Variants in FER1L6 observed in about 807,000 individuals in gnomAD.
The protein encoded by FER1L6 is fer-1 like family member 6.
A neutral mutation model predicts 219.2 loss-of-function variants in FER1L6; 177 were observed. The observed-to-expected ratio is 0.81, with a 90% confidence interval of 0.71 to 0.91. The LOEUF (loss-of-function observed/expected upper bound fraction) is 0.91, where lower values mean the gene tolerates loss of function less well. FER1L6 is among the 40% of genes least tolerant of loss of function. The probability of loss-of-function intolerance (pLI) is 0.00; values close to 1 mark genes in which losing one functional copy is unlikely to be tolerated. For missense variants in FER1L6, 2,153 were observed against 2,259.9 expected (o/e 0.95, Z 0.96); for synonymous variants, 768 against 824.3 (o/e 0.93, Z 1.17).
chr8:123,991,731 G>A (rs751641524), intron 12 of FER1L6, among the ~76,000 whole-genome samples: 2 of 152,038 alleles, frequency 1.3e-5, no homozygotes, highest in Non-Finnish European at 2.9e-5. Flanking sequence ...GTATTAAGTT[G>A]CATAGAAGTG....
intron 1 of FER1L6, among the ~76,000 whole-genome samples, chr8:123,948,056 A>G (rs1814582830): frequency 6.6e-6 from 1 of 152,208 alleles, no homozygotes; most frequent in South Asian, 2.1e-4. Flanking sequence ...GAACCCTAAG[A>G]GACATTCATA....
chr8:123,939,785 C>T (rs1354324244), intron 1 of FER1L6, among the ~76,000 whole-genome samples: 3 of 152,152 alleles, frequency 2.0e-5, no homozygotes, highest in Admixed American at 1.3e-4. Context: ...GGAGATTGAG[C>T]GGCATACTTT....
At chr8:124,101,064 T>A (rs768582735) in intron 37 of FER1L6, 33 bp from the exon 38 acceptor site, 2 of 1,605,016 alleles carry the variant, frequency 1.2e-6, no homozygotes, top group Non-Finnish European at 1.7e-6. Context: ...GAATGTACTC[T>A]GAGTGTTTAA....
chr8:123,906,753 T>A (rs1215178515), intron 1 of FER1L6, among the ~76,000 whole-genome samples: 5 of 148,426 alleles, frequency 3.4e-5, no homozygotes, highest in Non-Finnish European at 1.5e-5. Context: ...TGAACCAAGA[T>A]CACGCCACTG....
intron 15 of FER1L6, chr8:124,014,537 T>C (rs1400513429): frequency 6.6e-6 from 1 of 152,618 alleles, no homozygotes; most frequent in Non-Finnish European, 1.5e-5. Context: ...TCTCTCTTGG[T>C]GCTTTGGAAA....
In FER1L6 at chr8:123,852,120, T is replaced by C. The variant is rs1816519266; in HGVS notation, c.-73T>C. 1 of 152,222 alleles carries C rather than the reference T, an allele frequency of 6.6e-6. No homozygotes were observed. The highest frequency in any genetic ancestry group is 2.1e-4 in the South Asian group (1 of 4,830). 9.4% of individuals were successfully genotyped at this position (152,222 alleles called of 1,614,324 possible). A position where few individuals can be genotyped will look rare whatever the true frequency, so the allele number is the denominator to read the frequency against. On this transcript the variant is annotated 5_prime_UTR_variant, in exon 1 of 41. Transcript: ENST00000522917. The surrounding 1 kb of genome is among the most constrained non-coding windows in gnomAD (Gnocchi z 4.9). The stretch of plus-strand genomic sequence containing the variant: ...GAACCCACTGCTGCGCTTCATTTGC[T>C]GTGAAGTGAGTCCCTTGATCAGAGC...
Position 124,119,639 on chromosome 8 carries a change from GCC to G in FER1L6, c.5426_5427del (p.Pro1809LeufsTer2). The G allele has an allele frequency of 6.2e-7, 1 of 1,613,432 alleles. No individual in the cohort carries two copies. On this transcript the variant is annotated frameshift_variant, in exon 41 of 41. Transcript: ENST00000522917. LOFTEE classifies it high-confidence loss of function. ...GACACCTCCTTTTCGTGGTTCATGA[GCC>G]CCTTTAAGTGCCTGTACTACCTCAT...
At chr8:124,096,162 T>G (rs188837435) in intron 35 of FER1L6, among the ~76,000 whole-genome samples, 2 of 152,348 alleles carry the variant, frequency 1.3e-5, no homozygotes, top group Admixed American at 6.5e-5. Context: ...CTTATGATTG[T>G]TTCCTGAAAT....
chr8:123,908,517 T>G (rs1463512182), intron 1 of FER1L6, among the ~76,000 whole-genome samples: 1 of 152,260 alleles, frequency 6.6e-6, no homozygotes, highest in Non-Finnish European at 1.5e-5. Flanking sequence ...CAAGTCTAGA[T>G]GTGAAATGGG....
chr8:123,968,539 A>C (rs1268653002), intron 5 of FER1L6, among the ~76,000 whole-genome samples: 1 of 152,230 alleles, frequency 6.6e-6, no homozygotes, highest in Non-Finnish European at 1.5e-5. Context: ...ATTGCAACTC[A>C]TTTGTCCATC....
At chr8:124,048,678 G>C (rs1267017515) in intron 21 of FER1L6, among the ~76,000 whole-genome samples, 2 of 152,198 alleles carry the variant, frequency 1.3e-5, no homozygotes, top group African/African-American at 4.8e-5. Context: ...CAGTCCCTAT[G>C]CAAAGCCTAT....
At chr8:124,113,837 T>A (rs923503878) in intron 39 of FER1L6, among the ~76,000 whole-genome samples, 1 of 152,230 alleles carries the variant, frequency 6.6e-6, no homozygotes, top group Admixed American at 6.5e-5. Context: ...TACTGTTTAC[T>A]CCATAGCGGA....
At position 124,097,883 on chromosome 8, in the gene FER1L6, G is replaced by T. The variant is rs201085370; in HGVS notation, c.4883G>T (p.Gly1628Val). ...AAATCAAGTGATATTTATGTGAAAG[G>T]GTAAGGTTATCAACAAACTCCAACC... ...GQKSSDIYVK[G>V]WLKGLEDDKQ... is the part of the protein sequence containing the mutation. The change falls in exon 37 of 41, where the codon GGG becomes GTG. Residue 1628 changes from glycine (G) to valine (V), a missense_variant and splice_region_variant. Gly to Val is a moderately radical substitution (Grantham distance 109, BLOSUM62 -3). Coordinates refer to ENST00000522917, the MANE Select transcript of FER1L6 (RefSeq NM_001039112.2). The T allele has an allele frequency of 1.1e-4, 163 of 1,521,642 alleles. No homozygotes were observed. The highest frequency in any genetic ancestry group is 1.4e-4 in the Non-Finnish European group (148 of 1,096,062). 94.3% of individuals were successfully genotyped at this position (1,521,642 alleles called of 1,614,324 possible).
At chr8:124,018,176 C>G (rs1355609243) in intron 16 of FER1L6, among the ~76,000 whole-genome samples, 2 of 152,194 alleles carry the variant, frequency 1.3e-5, no homozygotes, top group African/African-American at 2.4e-5. Context: ...AGGTGCCTAA[C>G]AGTTGCTCAG....
chr8:124,109,441 C>T (rs758555086), intron 39 of FER1L6, among the ~76,000 whole-genome samples: 8 of 152,170 alleles, frequency 5.3e-5, no homozygotes, highest in Non-Finnish European at 8.8e-5. Context: ...AGCATTCACC[C>T]GTGCAAACTC....
At chr8:124,076,084 A>C in intron 31 of FER1L6, 114 bp from the exon 32 acceptor site, 1 of 1,342,274 alleles carries the variant, frequency 7.5e-7, no homozygotes, top group Non-Finnish European at 1.0e-6. Context: ...GTTAAATCAG[A>C]CTATCTAGAG....
intron 1 of FER1L6, among the ~76,000 whole-genome samples, chr8:123,897,453 G>A (rs1812766326): frequency 6.6e-6 from 1 of 152,162 alleles, no homozygotes; most frequent in South Asian, 2.1e-4. Flanking sequence ...GTTGACAAAT[G>A]GAGACCTGAA....
intron 1 of FER1L6, among the ~76,000 whole-genome samples, chr8:123,903,656 C>A (rs187668782): frequency 1.8e-3 from 267 of 151,982 alleles, no homozygotes; most frequent in African/African-American, 6.2e-3. Context: ...CATCTAATTG[C>A]CAGTGTAAAG....
At chr8:123,973,413 C>A in intron 6 of FER1L6, 21 bp from the exon 7 acceptor site, 1 of 1,597,192 alleles carries the variant, frequency 6.3e-7, no homozygotes, top group South Asian at 1.1e-5. Flanking sequence ...CTGCCATACT[C>A]CCTGCTCTCT....
Sources: gnomAD v4.1 joint callset for allele counts (sites outside exome capture counted in the v4.1 genomes callset) on GRCh38, gnomAD v4.1.1 for gene constraint, Gnocchi (gnomAD v3.1) non-coding constraint, MANE v1.5 for transcripts, NCBI Gene and HGNC (gene_info 2026-07-23, HGNC 2026-07-21) for gene names.